The following TRPC6 variants were observed in gnomAD, a reference collection of about 807,000 sequenced individuals.
TRPC6 encodes transient receptor potential cation channel subfamily C member 6, also known as short transient receptor potential channel 6.
TRPC6 carries 55 observed loss-of-function variants against 90.7 expected under a neutral mutation model. That is an observed-to-expected ratio of 0.61 (90% CI 0.49 to 0.76). The LOEUF (loss-of-function observed/expected upper bound fraction) is 0.76. Ranked by LOEUF, TRPC6 falls within the 30% of genes least tolerant of loss-of-function variation. TRPC6 has a pLI of 0.00. For missense variants in TRPC6, 989 were observed against 1,122.7 expected (o/e 0.88, Z 1.70); for synonymous variants, 393 against 393.0 (o/e 1.00, Z 0.00).
intron 1 of TRPC6, among the ~76,000 whole-genome samples, chr11:101,520,621 G>A (rs899004407): frequency 1.3e-5 from 2 of 152,134 alleles, no homozygotes; most frequent in Non-Finnish European, 2.9e-5. Context: ...AAGAAGACAC[G>A]AAGATGAGGA....
At chr11:101,491,468 A>G in intron 3 of TRPC6, 88 bp downstream of exon 3, 2 of 1,503,372 alleles carry the variant, frequency 1.3e-6, no homozygotes, top group East Asian at 4.6e-5. Context: ...AGAAAATCCC[A>G]GCTTAATCTA....
rs75208058 is a variant in TRPC6 at position 101,482,476 on chromosome 11, G to A, written c.1510+473C>T. Among the ~76,000 whole-genome samples, 741 of 152,248 alleles carry A rather than the reference G, an allele frequency of 4.9e-3. 8 individuals are homozygous for A. Among genetic ancestry groups the A allele is most frequent in the African/African-American group, 0.017 (707 of 41,548 alleles). On this transcript the variant is annotated intron_variant, in intron 5 of 12. Transcript: ENST00000344327. ...AAAATAGATGTGATTATACATTATA[G>A]ACTAGAAAACTGAGGTGCAAAGAAA...
At chr11:101,459,105 C>T (rs1040190385) in intron 10 of TRPC6, among the ~76,000 whole-genome samples, 1 of 152,156 alleles carries the variant, frequency 6.6e-6, no homozygotes, top group African/African-American at 2.4e-5. Context: ...TGAAATGTGT[C>T]TCAAGTTTTG....
chr11:101,518,171 G>T (rs774963675), intron 1 of TRPC6, among the ~76,000 whole-genome samples: 15 of 152,164 alleles, frequency 9.9e-5, no homozygotes, highest in South Asian at 2.1e-4. Flanking sequence ...AGCATCATTT[G>T]CCCTCTTTGG....
rs151208745 is a variant in TRPC6, at chr11:101,496,367, C to T, written c.946-4629G>A. Among the ~76,000 whole-genome samples the T allele has an allele frequency of 4.5e-3, 684 of 152,256 alleles. 4 individuals carry two copies. The highest frequency in any genetic ancestry group is 0.016 in the African/African-American group (651 of 41,554). On this transcript the variant is annotated intron_variant, in intron 2 of 12. Transcript: ENST00000344327. ...GTAACTCTGGGGCTCTTCTGCTCCT[C>T]AGGATAATTGTCACCAGATGGCACA...
rs557227116 is a variant in TRPC6, at chr11:101,578,324, G to A, written c.170+5010C>T. 3.3e-5 allele frequency among the ~76,000 whole-genome samples: 5 copies of A among 152,190 alleles called. No homozygotes were observed. In the South Asian group the frequency reaches 8.3e-4, roughly 25 times the overall value. On this transcript the variant is annotated intron_variant, in intron 1 of 12. Transcript: ENST00000344327. ...TCTTCAATCTTAAACTTCTTTAAGAGACTAGTTATCCTATTGGCAAGTAAT... is the reference window on the plus strand; with the variant it reads ...TCTTCAATCTTAAACTTCTTTAAGAAACTAGTTATCCTATTGGCAAGTAAT...
At chr11:101,557,631 A>AC (rs372467472) in intron 1 of TRPC6, among the ~76,000 whole-genome samples, 35,328 of 115,524 alleles carry the variant, frequency 0.31, 4,386 homozygotes, top group East Asian at 0.4. Context: ...CACACACACA[A>AC]AAAAAAACCT....
chr11:101,484,810 T>A (rs1033078487), intron 4 of TRPC6, among the ~76,000 whole-genome samples: 3 of 152,238 alleles, frequency 2.0e-5, no homozygotes, highest in African/African-American at 7.2e-5. Flanking sequence ...ATACGTAATA[T>A]CATGTAAATG....
chr11:101,469,246 T>C (rs1859227698), intron 10 of TRPC6, among the ~76,000 whole-genome samples, 181 bp downstream of exon 10: 1 of 152,234 alleles, frequency 6.6e-6, no homozygotes. Flanking sequence ...TCTTTTTTGC[T>C]TATCAAACAT....
chr11:101,567,863 G>C (rs958727872), intron 1 of TRPC6, among the ~76,000 whole-genome samples: 2 of 152,168 alleles, frequency 1.3e-5, no homozygotes, highest in Non-Finnish European at 2.9e-5. Flanking sequence ...CCCTTCCAAA[G>C]GTCATGGACT....
chr11:101,488,704 T>C (rs1397655752), intron 4 of TRPC6, among the ~76,000 whole-genome samples: 1 of 152,174 alleles, frequency 6.6e-6, no homozygotes, highest in African/African-American at 2.4e-5. Context: ...TACAGGTGAA[T>C]TTTATCTTTT....
chr11:101,495,539 T>C (rs1859920758), intron 2 of TRPC6, among the ~76,000 whole-genome samples: 1 of 150,986 alleles, frequency 6.6e-6, no homozygotes, highest in East Asian at 1.9e-4. Flanking sequence ...GTGAAGATCA[T>C]ACAAGACAAT....
chr11:101,507,037 ACACACACACACACAGACC>A lies in TRPC6; in HGVS notation c.171-2257_171-2240del, dbSNP rs1021267552. ...CACACACACACACACACACACACAC[ACACACACACACACAGACC>A]CCCTTCATGGTCCCTTATCATTCCA... On this transcript the variant is annotated intron_variant, in intron 1 of 12. Transcript: ENST00000344327. Among the ~76,000 whole-genome samples, 7 of 150,656 alleles carry A rather than the reference ACACACACACACACAGACC, an allele frequency of 4.6e-5. 1 individual carries two copies. The highest frequency in any genetic ancestry group is 1.7e-4 in the African/African-American group (7 of 40,402).
chr11:101,550,867 C>A (rs1861434381), intron 1 of TRPC6, among the ~76,000 whole-genome samples: 2 of 151,640 alleles, frequency 1.3e-5, no homozygotes, highest in Non-Finnish European at 3.0e-5. Flanking sequence ...ACTATACATT[C>A]ATTGAGCTCA....
In TRPC6 at chr11:101,488,976, G is replaced by A. The variant is rs191073336; in HGVS notation, c.1254C>T (p.Pro418=). ...LVVLAVAIGL[P]FLALIYWFAP... is the part of the protein sequence containing the mutation. ...CAAACCAGTAAATGAGAGCCAGGAA[G>A]GGCAGTCCAATGGCAACAGCAAGGA... is the stretch of plus-strand genomic sequence containing the variant. The change falls in exon 4 of 13, where the codon CCC becomes CCT. Residue 418 remains proline (P), a synonymous_variant. Coordinates refer to ENST00000344327, the MANE Select transcript of TRPC6 (RefSeq NM_004621.6). 6 of 1,614,152 alleles carry A rather than the reference G, an allele frequency of 3.7e-6. No homozygotes were observed. Among genetic ancestry groups the A allele is most frequent in the Admixed American group, 3.3e-5 (2 of 60,014 alleles).
intron 10 of TRPC6, among the ~76,000 whole-genome samples, chr11:101,458,972 A>G (rs917023088): frequency 2.0e-5 from 3 of 152,206 alleles, no homozygotes; most frequent in African/African-American, 4.8e-5. Context: ...TTTTCTTAGT[A>G]TGCATACACT....
intron 1 of TRPC6, among the ~76,000 whole-genome samples, chr11:101,556,270 A>G (rs1321402020): frequency 1.3e-5 from 2 of 152,160 alleles, no homozygotes; most frequent in African/African-American, 2.4e-5. Context: ...AGATCAACAA[A>G]TGAAGAGTAT....
chr11:101,557,363 T>C (rs959089865), intron 1 of TRPC6, among the ~76,000 whole-genome samples: 1 of 151,820 alleles, frequency 6.6e-6, no homozygotes, highest in African/African-American at 2.4e-5. Flanking sequence ...TCTCAAAAAA[T>C]AAAATAAAAG....
chr11:101,487,837 A>T (rs1349650903), intron 4 of TRPC6, among the ~76,000 whole-genome samples: 1 of 152,164 alleles, frequency 6.6e-6, no homozygotes, highest in Non-Finnish European at 1.5e-5. Flanking sequence ...AATTCCTATC[A>T]TCACTAGAAA....
Sources: allele counts gnomAD v4.1 joint callset (sites outside exome capture counted in the v4.1 genomes callset), GRCh38; gene constraint gnomAD v4.1.1; transcripts MANE v1.5; gene names NCBI Gene and HGNC (gene_info 2026-07-23, HGNC 2026-07-21).